CLYBL: variants seen among roughly 807,000 people sequenced by gnomAD.
The protein encoded by CLYBL is citramalyl-CoA lyase.
Under a neutral mutation model 38.9 loss-of-function variants are expected in CLYBL, and 31 were observed. That is an observed-to-expected ratio of 0.80 (90% CI 0.60 to 1.08). The LOEUF (loss-of-function observed/expected upper bound fraction) is 1.08. Among genes scored for constraint, CLYBL ranks in the 50% least tolerant of loss-of-function variants. CLYBL has a pLI of 0.00. For synonymous variants in CLYBL, 171 were observed against 158.6 expected, an observed-to-expected ratio of 1.08 and a Z score of -0.59; for missense variants, 434 against 411.6, an observed-to-expected ratio of 1.05 and a Z score of -0.47.
At chr13:99,860,146 T>C (rs1392107914) in intron 3 of CLYBL, among the ~76,000 whole-genome samples, 1 of 151,978 alleles carries the variant, frequency 6.6e-6, no homozygotes, top group Non-Finnish European at 1.5e-5. Flanking sequence ...AAGTGCAAAA[T>C]ACACACTCGA....
intron 1 of CLYBL, among the ~76,000 whole-genome samples, chr13:99,705,082 C>T (rs891824882): frequency 6.6e-6 from 1 of 152,170 alleles, no homozygotes; most frequent in African/African-American, 2.4e-5. Context: ...TACTTCCAAG[C>T]ATATACCGAA....
chr13:99,803,908 G>C (rs1461330879), intron 2 of CLYBL, among the ~76,000 whole-genome samples: 1 of 152,222 alleles, frequency 6.6e-6, no homozygotes, highest in Non-Finnish European at 1.5e-5. Flanking sequence ...AACAGAGGTT[G>C]AGAGTACTGA....
chr13:99,828,255 C>T (rs991189057), intron 2 of CLYBL, among the ~76,000 whole-genome samples: 1 of 152,132 alleles, frequency 6.6e-6, no homozygotes, highest in East Asian at 1.9e-4. Flanking sequence ...CGGGTGCACT[C>T]GAGACTCAAT....
chr13:99,764,449 C>T (rs9557293), intron 1 of CLYBL, among the ~76,000 whole-genome samples: 25,037 of 152,006 alleles, frequency 0.16, 2,597 homozygotes, highest in East Asian at 0.37. Flanking sequence ...TTTCCTATTT[C>T]TTCATGGTTC....
chr13:99,854,431 C>T (rs932283769), intron 2 of CLYBL, among the ~76,000 whole-genome samples: 7 of 150,964 alleles, frequency 4.6e-5, no homozygotes, highest in Admixed American at 2.0e-4. Context: ...TCATCCTATC[C>T]GACAGTAGAA....
At chr13:99,637,121 C>A (rs146278792) in intron 1 of CLYBL, among the ~76,000 whole-genome samples, 52 of 152,326 alleles carry the variant, frequency 3.4e-4, no homozygotes, top group African/African-American at 1.2e-3. Flanking sequence ...CTCAAGTGAT[C>A]TGCCCGCCTC....
chr13:99,751,641 G>A (rs865946434), intron 1 of CLYBL, among the ~76,000 whole-genome samples: 7 of 152,196 alleles, frequency 4.6e-5, no homozygotes, highest in Admixed American at 6.5e-5. Context: ...GTCAAATGGC[G>A]GTTGCCAAGG....
intron 1 of CLYBL, among the ~76,000 whole-genome samples, chr13:99,635,134 A>C (rs2139247167): frequency 6.6e-6 from 1 of 152,208 alleles, no homozygotes; most frequent in African/African-American, 2.4e-5. Flanking sequence ...CTGTCACCCA[A>C]GCCAGCAGCC....
chr13:99,689,632 A>G (rs1344265599), intron 1 of CLYBL, among the ~76,000 whole-genome samples: 1 of 152,226 alleles, frequency 6.6e-6, no homozygotes, highest in Non-Finnish European at 1.5e-5. Flanking sequence ...AGCAATTGCA[A>G]GTAAGACTTA....
chr13:99,675,803 TCTA>T (rs1375742902), intron 1 of CLYBL, among the ~76,000 whole-genome samples: 2 of 152,238 alleles, frequency 1.3e-5, no homozygotes, highest in Non-Finnish European at 2.9e-5. Flanking sequence ...TTAGGTTGTT[TCTA>T]CTTTTTAGCT....
intron 1 of CLYBL, among the ~76,000 whole-genome samples, chr13:99,757,994 C>T (rs1012776940): frequency 6.6e-6 from 1 of 152,194 alleles, no homozygotes; most frequent in Non-Finnish European, 1.5e-5. Flanking sequence ...GCTCCAAATC[C>T]TGCATTTCTA....
intron 2 of CLYBL, among the ~76,000 whole-genome samples, chr13:99,773,754 A>G (rs2049451624): frequency 6.6e-6 from 1 of 152,204 alleles, no homozygotes; most frequent in African/African-American, 2.4e-5. Flanking sequence ...CACCAGGTAT[A>G]CTGAGTAATG....
intron 7 of CLYBL, among the ~76,000 whole-genome samples, chr13:99,880,070 T>TATATATA (rs1186082855): frequency 0.024 from 691 of 28,958 alleles, no homozygotes; most frequent in Non-Finnish European, 0.038. Flanking sequence ...ATATATATAT[T>TATATATA]TTTTTTTTTT....
intron 1 of CLYBL, among the ~76,000 whole-genome samples, chr13:99,634,367 T>C (rs1248734670): frequency 6.6e-6 from 1 of 152,200 alleles, no homozygotes; most frequent in Non-Finnish European, 1.5e-5. Context: ...TCTTTAGGCT[T>C]AAGGGAAATA....
At chr13:99,770,080 CTTTTT>C (rs3033589) in intron 1 of CLYBL, among the ~76,000 whole-genome samples, 7 of 103,176 alleles carry the variant, frequency 6.8e-5, no homozygotes, top group South Asian at 6.1e-4. Flanking sequence ...TCTTTTCTTT[CTTTTT>C]TTTTTTTTTT....
downstream of CLYBL, chr13:99,896,938 G>A (rs2052588659): frequency 6.6e-6 from 1 of 152,104 alleles, no homozygotes; most frequent in Non-Finnish European, 1.5e-5. Flanking sequence ...GTGCCAGAGG[G>A]GCCAGTCACA....
intron 1 of CLYBL, among the ~76,000 whole-genome samples, chr13:99,689,850 A>G (rs1419649313): frequency 6.6e-6 from 1 of 152,214 alleles, no homozygotes; most frequent in Non-Finnish European, 1.5e-5. Flanking sequence ...ACTGACTGCT[A>G]TAACAATATT....
chr13:99,819,330 G>A (rs548340729), intron 2 of CLYBL, among the ~76,000 whole-genome samples: 30 of 146,340 alleles, frequency 2.1e-4, no homozygotes, highest in Admixed American at 6.8e-4. Context: ...GGGTGACAGT[G>A]AAACCCTGTC....
intron 1 of CLYBL, among the ~76,000 whole-genome samples, chr13:99,739,925 C>T (rs113239656): frequency 0.026 from 3,957 of 152,014 alleles, 174 homozygotes; most frequent in African/African-American, 0.091. Flanking sequence ...GAGTCAAGAT[C>T]GTACCATTGC....
Sources: gnomAD v4.1 joint callset for allele counts (sites outside exome capture counted in the v4.1 genomes callset) on GRCh38, gnomAD v4.1.1 for gene constraint, MANE v1.5 for transcripts, NCBI Gene and HGNC (gene_info 2026-07-23, HGNC 2026-07-21) for gene names.